CCDC122: variants seen among roughly 807,000 people sequenced by gnomAD.
CCDC122 encodes coiled-coil domain-containing protein 122.
Under a neutral mutation model 37.0 loss-of-function variants are expected in CCDC122, and 38 were observed. The ratio of observed to expected loss-of-function variants is 1.03; its 90% CI spans 0.79 to 1.35. The LOEUF is 1.35. Ranked by LOEUF, CCDC122 falls within the 40% of genes most tolerant of loss-of-function variation. The probability of loss-of-function intolerance (pLI) is 0.00; values close to 1 mark genes in which losing one functional copy is unlikely to be tolerated. For synonymous variants in CCDC122, 83 were observed against 95.6 expected, an observed-to-expected ratio of 0.87 and a Z score of 0.77; for missense variants, 305 against 310.0, an observed-to-expected ratio of 0.98 and a Z score of 0.12.
chr13:43,865,560 T>C (rs2153877305), intron 4 of CCDC122, among the ~76,000 whole-genome samples: 1 of 152,272 alleles, frequency 6.6e-6, no homozygotes, highest in African/African-American at 2.4e-5. Context: ...TATAACGATA[T>C]ACTATAATAA....
chr13:43,856,258 C>T (rs1380894087), intron 6 of CCDC122: 2 of 152,164 alleles, frequency 1.3e-5, no homozygotes, highest in African/African-American at 4.8e-5. Flanking sequence ...TAATACCTGG[C>T]TATTGAAATA....
At chr13:43,867,298 G>GT (rs1442075034) in intron 4 of CCDC122, among the ~76,000 whole-genome samples, 1 of 152,026 alleles carries the variant, frequency 6.6e-6, no homozygotes, top group East Asian at 1.9e-4. Flanking sequence ...AAAACATACT[G>GT]TAATTTACAT....
intron 3 of CCDC122, 113 bp downstream of exon 3, chr13:43,869,218 A>G: frequency 3.8e-6 from 3 of 792,370 alleles, no homozygotes; most frequent in Non-Finnish European, 6.4e-6. Context: ...GCTAAATGTA[A>G]CTGCTTCCAT....
chr13:43,877,650 T>C (rs1227483157), intron 1 of CCDC122: 1 of 152,180 alleles, frequency 6.6e-6, no homozygotes, highest in Non-Finnish European at 1.5e-5. Flanking sequence ...CAGTTAGGCA[T>C]ATAAAAAGGA....
intron 2 of CCDC122, among the ~76,000 whole-genome samples, chr13:43,873,104 C>A (rs1202094659): frequency 1.3e-5 from 2 of 151,918 alleles, no homozygotes; most frequent in Non-Finnish European, 2.9e-5. Context: ...TTTGCTGGTC[C>A]CTTCTCATCT....
At position 43,869,458 on chromosome 13, in the gene CCDC122, C is replaced by G. The variant is rs1404618328; in HGVS notation, c.-82G>C. The stretch of plus-strand genomic sequence containing the variant: ...AATAATCTATATTGATAATCTTTCA[C>G]TTTTGTTTTTTCCTGTTGTATATTG... On this transcript the variant is annotated 5_prime_UTR_variant, in exon 3 of 7. Transcript: ENST00000444614. 8.2e-7 allele frequency: 1 copy of G among 1,222,890 alleles called. No homozygotes were observed. Among genetic ancestry groups the G allele is most frequent in the African/African-American group, 1.5e-5 (1 of 64,988 alleles). 75.8% of individuals were successfully genotyped at this position (1,222,890 alleles called of 1,614,324 possible).
intron 6 of CCDC122, among the ~76,000 whole-genome samples, chr13:43,843,881 T>C (rs963879255): frequency 3.3e-5 from 5 of 151,868 alleles, no homozygotes; most frequent in Non-Finnish European, 1.5e-5. Flanking sequence ...TTATTCATAA[T>C]AGGCCTTCAT....
intron 6 of CCDC122, among the ~76,000 whole-genome samples, chr13:43,849,647 A>G (rs1953659747): frequency 6.6e-6 from 1 of 152,246 alleles, no homozygotes; most frequent in Non-Finnish European, 1.5e-5. Flanking sequence ...TAAGGAAAAT[A>G]GCAGCTTAGT....
intron 1 of CCDC122, chr13:43,877,762 A>AT (rs1313213117): frequency 3.9e-5 from 6 of 152,200 alleles, no homozygotes. Context: ...GGGTGTTTTT[A>AT]TTTTTTCAAA....
At chr13:43,833,561 T>C (rs1953110663), downstream of CCDC122, among the ~76,000 whole-genome samples, 1 of 152,080 alleles carries the variant, frequency 6.6e-6, no homozygotes, top group East Asian at 1.9e-4. Context: ...CCCAAAGAGA[T>C]AAAATTTGAC....
At chr13:43,849,236 A>G (rs1953644704) in intron 6 of CCDC122, 1 of 232,772 alleles carries the variant, frequency 4.3e-6, no homozygotes, top group Non-Finnish European at 7.1e-6. Context: ...AAGTTTATTA[A>G]ATTTCATGAC....
downstream of CCDC122, among the ~76,000 whole-genome samples, chr13:43,822,047 G>A (rs764670509): frequency 5.3e-5 from 8 of 152,128 alleles, no homozygotes; most frequent in African/African-American, 1.9e-4. Context: ...CTTGATGCTC[G>A]TAGATGTTCG....
downstream of CCDC122, among the ~76,000 whole-genome samples, chr13:43,823,589 A>T (rs1372544250): frequency 6.6e-6 from 1 of 152,246 alleles, no homozygotes; most frequent in African/African-American, 2.4e-5. Context: ...CTTATGGCCC[A>T]CAGTGGCAAG....
chr13:43,832,245 TC>T (rs1953096763), downstream of CCDC122, among the ~76,000 whole-genome samples: 1 of 151,744 alleles, frequency 6.6e-6, no homozygotes, highest in African/African-American at 2.4e-5. Context: ...GCTTTAGTAA[TC>T]ATTAGCTTAG....
chr13:43,852,280 A>G (rs1953764148), intron 6 of CCDC122, among the ~76,000 whole-genome samples: 1 of 152,126 alleles, frequency 6.6e-6, no homozygotes, highest in Middle Eastern at 3.2e-3. Context: ...CCAGTATAGA[A>G]AAGAACCTAA....
chr13:43,827,326 T>C (rs1594809412), intron 3 of CCDC122, among the ~76,000 whole-genome samples: 1 of 152,238 alleles, frequency 6.6e-6, no homozygotes, highest in Non-Finnish European at 1.5e-5. Context: ...GAAAAACTAA[T>C]TTTCATGTTC....
At position 43,860,002 on chromosome 13, in the gene CCDC122, T is replaced by C. The variant is rs770910472; in HGVS notation, c.225A>G (p.Gln75=). ...ISAETKETER[Q]IYQQDSAIEN... ...CTATGGCAGAATCTTGTTGATAAAT[T>C]TGTCTTTCTGTTTCTTTAGTTTCTG... The change falls in exon 5 of 7, where the codon CAA becomes CAG. Residue 75 remains glutamine (Q), a synonymous_variant. Coordinates refer to ENST00000444614, the MANE Select transcript of CCDC122 (RefSeq NM_144974.5). 3 of 1,587,794 alleles carry C rather than the reference T, an allele frequency of 1.9e-6. No homozygotes were observed. The South Asian group carries it at 3.5e-5, about 19-fold the overall frequency.
At chr13:43,851,395 C>A (rs1305849607) in intron 6 of CCDC122, among the ~76,000 whole-genome samples, 1 of 152,190 alleles carries the variant, frequency 6.6e-6, no homozygotes, top group Non-Finnish European at 1.5e-5. Flanking sequence ...TATAAGAAGT[C>A]TCTGAAGTAT....
At chr13:43,875,092 T>G (rs369288031) in intron 1 of CCDC122, among the ~76,000 whole-genome samples, 165 bp from the exon 2 acceptor site, 10 of 152,334 alleles carry the variant, frequency 6.6e-5, no homozygotes, top group South Asian at 2.1e-4. Flanking sequence ...ATCTCTTGTT[T>G]TGGAGTGTAG....
Sources: allele counts gnomAD v4.1 joint callset (sites outside exome capture counted in the v4.1 genomes callset), GRCh38; gene constraint gnomAD v4.1.1; transcripts MANE v1.5; gene names NCBI Gene and HGNC (gene_info 2026-07-23, HGNC 2026-07-21).